IQGAP2: variants seen among roughly 807,000 people sequenced by gnomAD.
IQGAP2 encodes ras GTPase-activating-like protein IQGAP2.
In IQGAP2, 173 loss-of-function variants were observed where a neutral mutation model predicts 201.3. The ratio of observed to expected loss-of-function variants is 0.86; its 90% CI spans 0.76 to 0.98. The LOEUF is 0.98. IQGAP2 is among the 50% of genes least tolerant of loss of function. IQGAP2 has a pLI of 0.00. For synonymous variants in IQGAP2, 675 were observed against 673.9 expected (o/e 1.00, Z -0.03); for missense variants, 1,687 against 1,864.8 (o/e 0.90, Z 1.76).
intron 1 of IQGAP2, among the ~76,000 whole-genome samples, chr5:76,421,485 T>C (rs572248909): frequency 6.6e-6 from 1 of 151,994 alleles, no homozygotes; most frequent in South Asian, 2.1e-4. Context: ...GTCGTGGTGG[T>C]GTGTGTCTGT....
chr5:76,686,501 T>C (rs1338703526), intron 30 of IQGAP2, among the ~76,000 whole-genome samples: 2 of 152,008 alleles, frequency 1.3e-5, no homozygotes, highest in Admixed American at 1.3e-4. Flanking sequence ...CATTCTTTCT[T>C]GTTGTTATTG....
chr5:76,513,280 T>C (rs1005141995), intron 2 of IQGAP2, among the ~76,000 whole-genome samples: 1 of 152,128 alleles, frequency 6.6e-6, no homozygotes, highest in Non-Finnish European at 1.5e-5. Context: ...CATGGCATTT[T>C]CCCCAAAATA....
chr5:76,481,131 G>A (rs1260984389), intron 2 of IQGAP2, among the ~76,000 whole-genome samples: 1 of 152,058 alleles, frequency 6.6e-6, no homozygotes, highest in African/African-American at 2.4e-5. Flanking sequence ...TATCACAATG[G>A]TGATGAAGTT....
chr5:76,560,814 C>T (rs1045068915), intron 2 of IQGAP2, among the ~76,000 whole-genome samples: 34 of 152,124 alleles, frequency 2.2e-4, no homozygotes, highest in Non-Finnish European at 7.4e-5. Context: ...CCCTCCCATC[C>T]GTTGGAAATA....
intron 11 of IQGAP2, among the ~76,000 whole-genome samples, chr5:76,604,390 A>G (rs1173700727): frequency 6.6e-6 from 1 of 152,062 alleles, no homozygotes; most frequent in African/African-American, 2.4e-5. Flanking sequence ...ATTGATGGAC[A>G]TTTGGGTTGG....
At chr5:76,415,453 T>C (rs973791513) in intron 1 of IQGAP2, among the ~76,000 whole-genome samples, 4 of 152,242 alleles carry the variant, frequency 2.6e-5, no homozygotes, top group East Asian at 1.9e-4. Context: ...CCTTTGCTGC[T>C]CAAGATACAA....
intron 30 of IQGAP2, among the ~76,000 whole-genome samples, chr5:76,687,495 A>C (rs886314961): frequency 6.6e-6 from 1 of 152,240 alleles, no homozygotes; most frequent in Non-Finnish European, 1.5e-5. Flanking sequence ...TTTTTCTTGC[A>C]GGCAAGGAAA....
chr5:76,595,323 A>G (rs760838809), intron 9 of IQGAP2, among the ~76,000 whole-genome samples: 7 of 135,798 alleles, frequency 5.2e-5, no homozygotes, highest in Non-Finnish European at 1.1e-4. Flanking sequence ...TCTTGGGCTC[A>G]AGTGATCCTC....
intron 26 of IQGAP2, 89 bp downstream of exon 26, chr5:76,674,125 T>A: frequency 1.3e-6 from 1 of 757,896 alleles, no homozygotes; most frequent in South Asian, 1.6e-5. Context: ...TTATTCCCCA[T>A]GTATGATTAT....
chr5:76,643,109 C>G (rs2431348), intron 17 of IQGAP2, among the ~76,000 whole-genome samples: 1 of 152,056 alleles, frequency 6.6e-6, no homozygotes, highest in Non-Finnish European at 1.5e-5. Context: ...GAGTAGATAT[C>G]TAGAGTTACT....
rs1194630410 is a variant in IQGAP2, at chr5:76,404,564, C to CAGA, written c.46+975_46+976insAAG. 4.8e-6 allele frequency: 4 copies of CAGA among 839,630 alleles called. No homozygotes were observed. The South Asian group carries it at 2.2e-4, about 46-fold the overall frequency. The allele number at this position is 839,630 out of a possible 1,614,324, so 52.0% of individuals were successfully genotyped here. On this transcript the variant is annotated intron_variant, in intron 1 of 35. Transcript: ENST00000274364. ...GTTTGGGTTAAGGTGGTGATACCTTCAGCAGGGTGTTTTGTTTGTGTGTGT... is the reference window on the plus strand; with the variant it reads ...GTTTGGGTTAAGGTGGTGATACCTTCAGAAGCAGGGTGTTTTGTTTGTGTGTGT...
intron 2 of IQGAP2, among the ~76,000 whole-genome samples, chr5:76,468,188 A>G (rs1198878358): frequency 1.3e-5 from 2 of 152,198 alleles, no homozygotes; most frequent in Admixed American, 6.5e-5. Flanking sequence ...AAGCTGTTAA[A>G]TAAGATCAAT....
chr5:76,573,481 C>T (rs1469212444), intron 4 of IQGAP2, among the ~76,000 whole-genome samples: 2 of 152,210 alleles, frequency 1.3e-5, no homozygotes, highest in East Asian at 3.8e-4. Context: ...ATCTCATCTC[C>T]TTGCTGAAGG....
chr5:76,575,188 T>G (rs1157262456), intron 4 of IQGAP2, among the ~76,000 whole-genome samples: 1 of 152,072 alleles, frequency 6.6e-6, no homozygotes, highest in Non-Finnish European at 1.5e-5. Context: ...CAGATTTTAT[T>G]TGGTGAAAAT....
intron 1 of IQGAP2, among the ~76,000 whole-genome samples, chr5:76,435,357 T>C (rs1752596229): frequency 6.6e-6 from 1 of 152,208 alleles, no homozygotes; most frequent in Non-Finnish European, 1.5e-5. Flanking sequence ...CTTTGAGCCA[T>C]CTTGAGTTAA....
intron 2 of IQGAP2, among the ~76,000 whole-genome samples, chr5:76,473,142 GT>G (rs1755213535): frequency 6.6e-6 from 1 of 152,204 alleles, no homozygotes; most frequent in African/African-American, 2.4e-5. Context: ...ATAACATACT[GT>G]CCCATTTCTT....
At chr5:76,445,717 G>C (rs1753347023) in intron 1 of IQGAP2, among the ~76,000 whole-genome samples, 1 of 152,260 alleles carries the variant, frequency 6.6e-6, no homozygotes, top group Middle Eastern at 3.4e-3. Context: ...TGCTGCCTCA[G>C]CCTCTCAAAG....
intron 16 of IQGAP2, among the ~76,000 whole-genome samples, chr5:76,637,590 A>G (rs1393353849): frequency 6.6e-6 from 1 of 152,220 alleles, no homozygotes; most frequent in Non-Finnish European, 1.5e-5. Context: ...TTTTTCTACA[A>G]AGTGCTGGAG....
chr5:76,575,393 TGC>T (rs1315600119), intron 4 of IQGAP2, among the ~76,000 whole-genome samples: 1 of 152,176 alleles, frequency 6.6e-6, no homozygotes, highest in Non-Finnish European at 1.5e-5. Flanking sequence ...AGCCCACATG[TGC>T]TCATATGCCC....
Sources: allele counts gnomAD v4.1 joint callset (sites outside exome capture counted in the v4.1 genomes callset), GRCh38; gene constraint gnomAD v4.1.1; transcripts MANE v1.5; gene names NCBI Gene and HGNC (gene_info 2026-07-23, HGNC 2026-07-21).